The following MYO3B variants were observed in gnomAD, a reference collection of about 807,000 sequenced individuals.
The protein encoded by MYO3B is myosin-IIIb.
In MYO3B, 156 loss-of-function variants were observed where a neutral mutation model predicts 174.6. The observed-to-expected ratio is 0.89, with a 90% confidence interval of 0.78 to 1.02. The LOEUF (loss-of-function observed/expected upper bound fraction) is 1.02. Among genes scored for constraint, MYO3B ranks in the 50% least tolerant of loss-of-function variants. The probability of loss-of-function intolerance (pLI) is 0.00; values close to 1 mark genes in which losing one functional copy is unlikely to be tolerated. For synonymous variants in MYO3B, 563 were observed against 569.1 expected, an observed-to-expected ratio of 0.99 and a Z score of 0.15; for missense variants, 1,632 against 1,639.4, an observed-to-expected ratio of 1.00 and a Z score of 0.08.
At chr2:170,599,970 A>G (rs1055003062) in intron 32 of MYO3B, among the ~76,000 whole-genome samples, 1 of 152,164 alleles carries the variant, frequency 6.6e-6, no homozygotes, top group African/African-American at 2.4e-5. Context: ...TATTAAATTC[A>G]TAAGTCAGCC....
intron 1 of MYO3B, among the ~76,000 whole-genome samples, chr2:170,189,316 A>G (rs1297002847): frequency 6.6e-6 from 1 of 152,006 alleles, no homozygotes; most frequent in Admixed American, 6.6e-5. Context: ...TTTGGGTTAA[A>G]TCAGCTTGGT....
intron 9 of MYO3B, among the ~76,000 whole-genome samples, chr2:170,375,771 T>C (rs1030473962): frequency 6.6e-6 from 1 of 151,520 alleles, no homozygotes; most frequent in African/African-American, 2.4e-5. Flanking sequence ...TATACACTAA[T>C]GGGTTATTGG....
intron 32 of MYO3B, among the ~76,000 whole-genome samples, chr2:170,620,791 G>A (rs565470435): frequency 4.5e-4 from 69 of 152,336 alleles, no homozygotes; most frequent in African/African-American, 1.6e-3. Flanking sequence ...TTGGCCTAGA[G>A]GGAGACATTT....
chr2:170,485,530 C>G (rs1277275034), intron 25 of MYO3B, among the ~76,000 whole-genome samples: 1 of 151,958 alleles, frequency 6.6e-6, no homozygotes, highest in Non-Finnish European at 1.5e-5. Flanking sequence ...TCTACTTATA[C>G]ATGTTAGAGA....
chr2:170,387,043 C>T (rs2094381025), intron 13 of MYO3B, 63 bp from the exon 14 acceptor site: 1 of 1,557,322 alleles, frequency 6.4e-7, no homozygotes, highest in African/African-American at 1.4e-5. Flanking sequence ...GGGATGGTGC[C>T]TGGCAACTTT....
At chr2:170,496,035 G>C (rs1686837486) in intron 25 of MYO3B, among the ~76,000 whole-genome samples, 1 of 152,160 alleles carries the variant, frequency 6.6e-6, no homozygotes, top group Non-Finnish European at 1.5e-5. Context: ...CTCCCACTTA[G>C]CTCCGGAAGA....
chr2:170,282,307 C>T (rs547059087), intron 7 of MYO3B, among the ~76,000 whole-genome samples: 8 of 152,158 alleles, frequency 5.3e-5, no homozygotes, highest in South Asian at 2.1e-4. Context: ...GTTCTAGTTT[C>T]GTTCTTCTGC....
intron 27 of MYO3B, 55 bp from the exon 28 acceptor site, chr2:170,501,730 C>T (rs898672677): frequency 3.2e-6 from 4 of 1,237,358 alleles, no homozygotes; most frequent in Non-Finnish European, 4.7e-6. Flanking sequence ...TATATCAATT[C>T]TCTGGCACGT....
intron 7 of MYO3B, among the ~76,000 whole-genome samples, chr2:170,277,627 T>G (rs1417860300): frequency 6.6e-6 from 1 of 152,174 alleles, no homozygotes; most frequent in Non-Finnish European, 1.5e-5. Context: ...GGCTGGTAAT[T>G]TAAGGATAGC....
At chr2:170,305,941 T>G (rs1559374305) in intron 7 of MYO3B, among the ~76,000 whole-genome samples, 1 of 152,092 alleles carries the variant, frequency 6.6e-6, no homozygotes, top group Non-Finnish European at 1.5e-5. Context: ...ATGTTATAAC[T>G]TTGGGGTCAG....
intron 3 of MYO3B, among the ~76,000 whole-genome samples, chr2:170,202,039 A>C (rs2092667631): frequency 1.3e-5 from 2 of 152,304 alleles, no homozygotes; most frequent in South Asian, 4.1e-4. Flanking sequence ...ACCTGAGGCC[A>C]CCTGGTGAAT....
chr2:170,179,992 A>G (rs2105295230), intron 1 of MYO3B, among the ~76,000 whole-genome samples: 1 of 152,346 alleles, frequency 6.6e-6, no homozygotes, highest in East Asian at 1.9e-4. Context: ...TGTGATTCAT[A>G]TATACCATAC....
intron 10 of MYO3B, 105 bp from the exon 11 acceptor site, chr2:170,382,968 G>A (rs538517486): frequency 2.4e-5 from 18 of 738,062 alleles, no homozygotes; most frequent in African/African-American, 1.4e-4. Context: ...TACTTTCATC[G>A]TTTAGAGAAA....
chr2:170,466,209 A>G (rs969258417), intron 24 of MYO3B, among the ~76,000 whole-genome samples: 1 of 151,792 alleles, frequency 6.6e-6, no homozygotes, highest in Non-Finnish European at 1.5e-5. Context: ...AATACCAGCG[A>G]CAAGCATTCT....
intron 7 of MYO3B, among the ~76,000 whole-genome samples, chr2:170,245,273 C>T (rs1295342281): frequency 6.6e-6 from 1 of 152,136 alleles, no homozygotes; most frequent in Non-Finnish European, 1.5e-5. Flanking sequence ...CCCTTGGAAA[C>T]CCTGGTGAAC....
At chr2:170,412,838 AAAT>A (rs2094554476) in intron 22 of MYO3B, among the ~76,000 whole-genome samples, 1 of 152,194 alleles carries the variant, frequency 6.6e-6, no homozygotes, top group Admixed American at 6.5e-5. Context: ...GCTCTTCCTG[AAAT>A]GGAGGCTCTG....
chr2:170,544,950 G>A (rs1188003300), intron 32 of MYO3B, among the ~76,000 whole-genome samples: 1 of 152,158 alleles, frequency 6.6e-6, no homozygotes, highest in African/African-American at 2.4e-5. Context: ...GGGAAAAACA[G>A]TATAATGGAG....
rs148136770 is a variant in MYO3B at position 170,400,261 on chromosome 2, C to T, written c.1865C>T (p.Ser622Phe). The change falls in exon 17 of 35, where the codon TCT becomes TTT. Residue 622 changes from serine to phenylalanine, a missense_variant. By Grantham distance (155) the Ser-to-Phe change is radical (BLOSUM62 -2). Coordinates refer to ENST00000408978, the MANE Select transcript of MYO3B (RefSeq NM_138995.5). ...IGNIEFAAIS[S>F]QHQTDKSEVP... ...AACATTGAGTTCGCAGCTATTTCCTCTCAACATCAGACTGATAAAAGTGAG... is the reference window on the plus strand; with the variant it reads ...AACATTGAGTTCGCAGCTATTTCCTTTCAACATCAGACTGATAAAAGTGAG... 1.7e-4 allele frequency: 271 copies of T among 1,614,114 alleles called. 1 individual carries two copies. In the African/African-American group the frequency reaches 2.5e-3, roughly 15 times the overall value.
chr2:170,579,094 G>T (rs1012328409), intron 32 of MYO3B, among the ~76,000 whole-genome samples: 2 of 152,158 alleles, frequency 1.3e-5, no homozygotes, highest in Admixed American at 1.3e-4. Flanking sequence ...ATTCTTGGTT[G>T]TGTAACTAGT....
Sources: allele counts gnomAD v4.1 joint callset (sites outside exome capture counted in the v4.1 genomes callset), GRCh38; gene constraint gnomAD v4.1.1; transcripts MANE v1.5; gene names NCBI Gene and HGNC (gene_info 2026-07-23, HGNC 2026-07-21).